Variants in CDHR3 observed in about 807,000 individuals in gnomAD.
CDHR3 encodes cadherin related family member 3, also known as cadherin-related family member 3.
In CDHR3, 79 loss-of-function variants were observed where a neutral mutation model predicts 86.6. The ratio of observed to expected loss-of-function variants is 0.91; its 90% CI spans 0.76 to 1.10. The LOEUF is 1.10. Ranked by LOEUF, CDHR3 falls within the 50% of genes least tolerant of loss-of-function variation. The pLI is 0.00. For missense variants in CDHR3, 1,081 were observed against 1,077.6 expected, an observed-to-expected ratio of 1.00 and a Z score of -0.04; for synonymous variants, 421 against 402.4, an observed-to-expected ratio of 1.05 and a Z score of -0.55.
chr7:105,971,386 G>A (rs41261), intron 1 of CDHR3, among the ~76,000 whole-genome samples: 77,101 of 151,908 alleles, frequency 0.51, 20,481 homozygotes, highest in East Asian at 0.72. Flanking sequence ...TGGGACAGGC[G>A]GTTCCCAATA....
At position 105,994,885 on chromosome 7, in the gene CDHR3, T is replaced by C. The variant is rs551509419; in HGVS notation, c.608+40T>C. ...GACCTTGCATGAAGTACTGTTTATCTGAGGGTCAAGGAAAACATGAGGGAT... is the reference window on the plus strand; with the variant it reads ...GACCTTGCATGAAGTACTGTTTATCCGAGGGTCAAGGAAAACATGAGGGAT... On this transcript the variant is annotated intron_variant, in intron 5 of 18. Transcript: ENST00000317716. 16 of 1,505,516 alleles carry C rather than the reference T, an allele frequency of 1.1e-5. No homozygotes were observed. In the Admixed American group the frequency reaches 2.8e-4, roughly 26 times the overall value. 93.3% of individuals were successfully genotyped at this position (1,505,516 alleles called of 1,614,324 possible).
chr7:106,010,227 C>T (rs1021870614), intron 8 of CDHR3, among the ~76,000 whole-genome samples: 1 of 152,192 alleles, frequency 6.6e-6, no homozygotes, highest in Non-Finnish European at 1.5e-5. Flanking sequence ...TTTACAGTGA[C>T]TCTAACACTG....
chr7:106,007,117 A>T (rs566537832), intron 8 of CDHR3, among the ~76,000 whole-genome samples: 1 of 152,298 alleles, frequency 6.6e-6, no homozygotes, highest in Admixed American at 6.5e-5. Context: ...GCCCCTTTTA[A>T]TCAAAGCTAG....
Position 106,028,573 on chromosome 7 carries a change from C to T in CDHR3, c.2295C>T (p.Asp765=), listed in dbSNP as rs370360955. Residue 765 remains aspartate, a synonymous_variant, in exon 17 of 19, where the codon GAC becomes GAT. Coordinates refer to ENST00000317716, the MANE Select transcript of CDHR3 (RefSeq NM_152750.5). The part of the protein sequence containing the change: ...KKGETKTAER[D]VVVETIQMNT... ...CAGAAACGAAGACTGCAGAGAGAGACGTCGTGGTGGTGAGTATGGGCAGTG... is the reference window on the plus strand; with the variant it reads ...CAGAAACGAAGACTGCAGAGAGAGATGTCGTGGTGGTGAGTATGGGCAGTG... 5.0e-5 allele frequency: 81 copies of T among 1,613,744 alleles called. No homozygotes were observed. The highest frequency in any genetic ancestry group is 4.9e-4 in the Middle Eastern group (3 of 6,084).
intron 17 of CDHR3, among the ~76,000 whole-genome samples, chr7:106,029,715 C>T (rs1398138269): frequency 6.6e-6 from 1 of 152,144 alleles, no homozygotes; most frequent in Non-Finnish European, 1.5e-5. Flanking sequence ...AATTCAATGG[C>T]TCCTCCAATG....
intron 16 of CDHR3, 200 bp from the exon 17 acceptor site, chr7:106,028,351 G>A (rs371410): frequency 1.5e-6 from 1 of 646,526 alleles, no homozygotes; most frequent in East Asian, 2.8e-5. Flanking sequence ...TTGTGTGTGT[G>A]TGTATACATA....
At chr7:106,015,259 C>A in intron 10 of CDHR3, 46 bp downstream of exon 10, 1 of 1,494,914 alleles carries the variant, frequency 6.7e-7, no homozygotes, top group Non-Finnish European at 9.2e-7. Context: ...TCTTGAGTAT[C>A]AATGACCAAA....
At chr7:105,993,677 CAAAAAAAAAAA>C (rs55787798) in intron 4 of CDHR3, among the ~76,000 whole-genome samples, 5 of 91,756 alleles carry the variant, frequency 5.4e-5, no homozygotes, top group Non-Finnish European at 1.0e-4. Context: ...CTCTGTCTCA[CAAAAAAAAAAA>C]AAAAAAAAAA....
rs557528889 is a variant in CDHR3, at chr7:106,027,620, G to T, written c.2272+925G>T. 6.6e-6 allele frequency: 3 copies of T among 452,248 alleles called. No homozygotes were observed. The Admixed American group carries it at 7.1e-5, about 11-fold the overall frequency. 28.0% of individuals were successfully genotyped at this position (452,248 alleles called of 1,614,324 possible). On this transcript the variant is annotated intron_variant, in intron 16 of 18. Transcript: ENST00000317716. ...CTTGGCCTCAAGTAGACTCCAGAGT[G>T]TGGGGGAGACAGGACAAAGAATTGG... is the stretch of plus-strand genomic sequence containing the variant.
rs147094786 is a variant in CDHR3, at chr7:105,973,718, G to A, written c.47-1126G>A. On this transcript the variant is annotated intron_variant, in intron 1 of 18. Coordinates refer to ENST00000317716, the MANE Select transcript of CDHR3 (RefSeq NM_152750.5). ...ATGGTGGCTCACGCCTGTAATCCCA[G>A]TATTTTGGGAGGCTGAGGCAGGTGG... Among the ~76,000 whole-genome samples, 782 of 152,322 alleles carry A rather than the reference G, an allele frequency of 5.1e-3. 9 individuals are homozygous for A. Among genetic ancestry groups the A allele is most frequent in the African/African-American group, 0.018 (731 of 41,580 alleles).
At chr7:105,982,867 C>T (rs919849372) in intron 3 of CDHR3, among the ~76,000 whole-genome samples, 1 of 151,636 alleles carries the variant, frequency 6.6e-6, no homozygotes, top group Non-Finnish European at 1.5e-5. Context: ...CCTGTAGTTC[C>T]AGCTACTCAG....
intron 4 of CDHR3, among the ~76,000 whole-genome samples, chr7:105,992,188 T>G (rs546796609): frequency 6.6e-6 from 1 of 152,210 alleles, no homozygotes; most frequent in Admixed American, 6.5e-5. Flanking sequence ...GGCCTTACAG[T>G]GCTTGGGACC....
chr7:105,996,415 G>T (rs73412250), intron 6 of CDHR3, 61 bp downstream of exon 6: 7 of 880,798 alleles, frequency 7.9e-6, no homozygotes, highest in African/African-American at 6.6e-5. Context: ...AGGCGGCCTC[G>T]TCTCCTCCGG....
At chr7:105,976,368 G>C (rs572185350) in intron 2 of CDHR3, among the ~76,000 whole-genome samples, 1 of 152,250 alleles carries the variant, frequency 6.6e-6, no homozygotes, top group South Asian at 2.1e-4. Context: ...ATTTGCCCTG[G>C]GTTGTACAGC....
intron 4 of CDHR3, among the ~76,000 whole-genome samples, chr7:105,993,610 A>G (rs1003494190): frequency 7.3e-6 from 1 of 137,426 alleles, no homozygotes; most frequent in Non-Finnish European, 1.5e-5. Flanking sequence ...CGGGAGGCGG[A>G]GGCTGCAGTG....
At chr7:106,006,719 G>C (rs148543675) in intron 8 of CDHR3, among the ~76,000 whole-genome samples, 2 of 152,306 alleles carry the variant, frequency 1.3e-5, no homozygotes, top group African/African-American at 4.8e-5. Flanking sequence ...TTCCATCCTG[G>C]ATGCTTTCAT....
intron 14 of CDHR3, 59 bp downstream of exon 14, chr7:106,022,507 A>ACTT: frequency 6.3e-7 from 1 of 1,578,228 alleles, no homozygotes; most frequent in Non-Finnish European, 8.6e-7. Context: ...ATGTTGATGG[A>ACTT]CTTCTTTCCC....
chr7:106,014,723 T>C (rs1004623612), intron 9 of CDHR3, among the ~76,000 whole-genome samples: 5 of 152,236 alleles, frequency 3.3e-5, no homozygotes, highest in Non-Finnish European at 7.3e-5. Flanking sequence ...CAGACTGTGG[T>C]TGACTCCAAG....
chr7:106,011,610 T>G (rs1834818882), intron 8 of CDHR3, among the ~76,000 whole-genome samples: 3 of 152,128 alleles, frequency 2.0e-5, no homozygotes, highest in Admixed American at 2.0e-4. Flanking sequence ...CCATAAATGC[T>G]TGTTGTTTTA....
Sources: gnomAD v4.1 joint callset for allele counts (sites outside exome capture counted in the v4.1 genomes callset) on GRCh38, gnomAD v4.1.1 for gene constraint, MANE v1.5 for transcripts, NCBI Gene and HGNC (gene_info 2026-07-23, HGNC 2026-07-21) for gene names.